The following SLC38A9 variants were observed in gnomAD, a reference collection of about 807,000 sequenced individuals.
SLC38A9 encodes neutral amino acid transporter 9.
SLC38A9 carries 48 observed loss-of-function variants against 62.3 expected under a neutral mutation model. The ratio of observed to expected loss-of-function variants is 0.77; its 90% CI spans 0.61 to 0.98. The LOEUF (loss-of-function observed/expected upper bound fraction) is 0.98, where lower values mean the gene tolerates loss of function less well. Ranked by LOEUF, SLC38A9 falls within the 50% of genes least tolerant of loss-of-function variation. The pLI, the probability that SLC38A9 is intolerant of heterozygous loss-of-function variation, is 0.00. For missense variants in SLC38A9, 541 were observed against 679.8 expected (o/e 0.80, Z 2.27); for synonymous variants, 204 against 227.7 (o/e 0.90, Z 0.94).
chr5:55,669,327 TA>T lies in SLC38A9; in HGVS notation c.433-7del. On this transcript the variant is annotated splice_region_variant and splice_polypyrimidine_tract_variant and intron_variant, in intron 6 of 15. Transcript: ENST00000396865. ...ATTCCAGTAGTAAATCCAGCCTGTT[TA>T]AAAATAAAAGTATAAAACAGCATAT... 6.2e-7 allele frequency: 1 copy of T among 1,605,936 alleles called. No individual in the cohort carries two copies. The highest frequency in any genetic ancestry group is 8.5e-7 in the Non-Finnish European group (1 of 1,175,698).
intron 15 of SLC38A9, 90 bp downstream of exon 15, chr5:55,627,801 A>G: frequency 1.3e-6 from 1 of 787,096 alleles, no homozygotes; most frequent in Non-Finnish European, 2.1e-6. Context: ...GGAATTTCAT[A>G]CAATTAAATT....
intron 3 of SLC38A9, among the ~76,000 whole-genome samples, chr5:55,682,871 C>G (rs917597334): frequency 2.6e-5 from 4 of 151,870 alleles, no homozygotes; most frequent in Non-Finnish European, 4.4e-5. Flanking sequence ...AGCTGTGTTT[C>G]AGTAAAGCTG....
In SLC38A9 at chr5:55,669,315, A is replaced by G. The variant is rs1223861241; in HGVS notation, c.439T>C (p.Phe147Leu). Reference sequence around the variant, plus strand: ...ATGATGACACACATTCCAGTAGTAAATCCAGCCTGTTTAAAAATAAAAGTA... The same window carrying G: ...ATGATGACACACATTCCAGTAGTAAGTCCAGCCTGTTTAAAAATAAAAGTA... ...SIPWGIKQAG[F>L]TTGMCVIILM... The change falls in exon 7 of 16, where the codon TTT (phenylalanine) becomes CTT (leucine). Residue 147 changes from phenylalanine (F) to leucine (L), a missense_variant. Phe to Leu is a conservative substitution (Grantham distance 22). Transcript: ENST00000396865. 1 of 1,610,468 alleles carries G rather than the reference A, an allele frequency of 6.2e-7. No individual in the cohort carries two copies. Among genetic ancestry groups the G allele is most frequent in the Non-Finnish European group, 8.5e-7 (1 of 1,178,660 alleles).
At chr5:55,683,963 T>C (rs1260430777) in intron 3 of SLC38A9, among the ~76,000 whole-genome samples, 1 of 152,232 alleles carries the variant, frequency 6.6e-6, no homozygotes, top group Admixed American at 6.5e-5. Context: ...ACTGTACTTA[T>C]ACTTACTCTA....
At chr5:55,629,210 A>AATT (rs544396226) in intron 14 of SLC38A9, among the ~76,000 whole-genome samples, 1 of 151,200 alleles carries the variant, frequency 6.6e-6, no homozygotes, top group African/African-American at 2.5e-5. Context: ...AATTTTAATT[A>AATT]ATTATTATTA....
chr5:55,635,442 C>T (rs1744204445), intron 13 of SLC38A9, 102 bp downstream of exon 13: 2 of 836,426 alleles, frequency 2.4e-6, no homozygotes, highest in South Asian at 1.4e-5. Context: ...GGTATTAAAA[C>T]CCAGGCCTAT....
At chr5:55,687,992 C>T (rs1057489156) in intron 3 of SLC38A9, among the ~76,000 whole-genome samples, 2 of 152,080 alleles carry the variant, frequency 1.3e-5, no homozygotes, top group East Asian at 3.9e-4. Flanking sequence ...CCACTGCACC[C>T]GGCCGGTATT....
At chr5:55,688,626 C>T (rs1462243643) in intron 3 of SLC38A9, among the ~76,000 whole-genome samples, 4 of 152,002 alleles carry the variant, frequency 2.6e-5, no homozygotes, top group East Asian at 1.9e-4. Context: ...GTGATCCGCC[C>T]GCCTCGGCCT....
chr5:55,639,272 T>TAAAAA (rs753043231), intron 12 of SLC38A9, among the ~76,000 whole-genome samples: 894 of 54,162 alleles, frequency 0.017, 9 homozygotes, highest in African/African-American at 0.046. Context: ...AAACTCTGTC[T>TAAAAA]AAAAAAAAAA....
chr5:55,633,645 T>A, intron 14 of SLC38A9, 109 bp downstream of exon 14: 13 of 1,437,338 alleles, frequency 9.0e-6, no homozygotes, highest in African/African-American at 1.4e-5. Context: ...TAGTCACCAC[T>A]TGCATTAGGC....
intron 2 of SLC38A9, among the ~76,000 whole-genome samples, chr5:55,706,331 A>G (rs1430006665): frequency 6.6e-6 from 1 of 152,220 alleles, no homozygotes; most frequent in Non-Finnish European, 1.5e-5. Flanking sequence ...ATTGGTTCCT[A>G]AACTAAACTG....
rs954457509 is a variant in SLC38A9, at chr5:55,669,953, A to G, written c.247-74T>C. The stretch of plus-strand genomic sequence containing the variant: ...TAGGATATTTGTTACACATCAGAAC[A>G]CCTGACTCTAGACACCTTTTTTTTT... On this transcript the variant is annotated intron_variant, in intron 4 of 15. Coordinates refer to ENST00000396865, the MANE Select transcript of SLC38A9 (RefSeq NM_173514.4). The G allele has an allele frequency of 4.3e-6, 6 of 1,395,098 alleles. No homozygotes were observed. In the African/African-American group the frequency reaches 7.3e-5, roughly 17 times the overall value. 86.4% of individuals were successfully genotyped at this position (1,395,098 alleles called of 1,614,324 possible).
chr5:55,641,573 C>T (rs1179284688), intron 12 of SLC38A9, among the ~76,000 whole-genome samples: 1 of 152,204 alleles, frequency 6.6e-6, no homozygotes, highest in Non-Finnish European at 1.5e-5. Context: ...TTTTATAACT[C>T]TCTATATAGA....
chr5:55,659,305 G>A (rs961105446), intron 8 of SLC38A9, among the ~76,000 whole-genome samples: 4 of 146,746 alleles, frequency 2.7e-5, no homozygotes, highest in Non-Finnish European at 5.9e-5. Context: ...GTCTGTGTAC[G>A]TATATATAAT....
intron 3 of SLC38A9, among the ~76,000 whole-genome samples, chr5:55,686,006 T>C (rs1435951703): frequency 2.0e-5 from 3 of 152,190 alleles, no homozygotes; most frequent in African/African-American, 2.4e-5. Context: ...GTGTATGCAT[T>C]TTCTTTATCC....
chr5:55,704,463 A>G (rs373957533), intron 2 of SLC38A9: 100 of 152,356 alleles, frequency 6.6e-4, no homozygotes, highest in African/African-American at 2.0e-3. Context: ...TTAAAAACCT[A>G]TAAGTTAGTA....
At position 55,669,841 on chromosome 5, in the gene SLC38A9, G is replaced by C; in HGVS notation, c.285C>G (p.Cys95Trp). The change falls in exon 5 of 16, where the codon TGC becomes TGG. Residue 95 changes from cysteine to tryptophan, a missense_variant. Transcript: ENST00000396865. ...PDHVVPAPEE[C>W]YVYSPLGSAY... ...CAGAGCCCAATGGACTATACACATA[G>C]CACTCTTCTGGAGCTGGAACTACAT... The C allele has an allele frequency of 1.2e-6, 2 of 1,612,462 alleles. No individual in the cohort carries two copies. The highest frequency in any genetic ancestry group is 1.7e-4 in the Middle Eastern group (1 of 6,052).
chr5:55,669,748 T>A lies in SLC38A9; in HGVS notation c.368+10A>T. ...GTTTAAGTCATGCTCCAAAAAGCAG[T>A]TTCACTCACATGGTTACTAAACTGG... On this transcript the variant is annotated intron_variant, in intron 5 of 15. Coordinates refer to ENST00000396865, the MANE Select transcript of SLC38A9 (RefSeq NM_173514.4). 2.5e-6 allele frequency: 4 copies of A among 1,609,682 alleles called. No homozygotes were observed. Among genetic ancestry groups the A allele is most frequent in the Non-Finnish European group, 3.4e-6 (4 of 1,178,884 alleles).
chr5:55,655,563 C>G (rs1216581853), intron 9 of SLC38A9, among the ~76,000 whole-genome samples: 1 of 152,180 alleles, frequency 6.6e-6, no homozygotes, highest in African/African-American at 2.4e-5. Context: ...TTTACTCACT[C>G]ATTTTCTAGC....
Sources: gnomAD v4.1 joint callset for allele counts (sites outside exome capture counted in the v4.1 genomes callset) on GRCh38, gnomAD v4.1.1 for gene constraint, MANE v1.5 for transcripts, NCBI Gene and HGNC (gene_info 2026-07-23, HGNC 2026-07-21) for gene names.